Variants in AK8 observed in about 807,000 individuals in gnomAD.
AK8 encodes the protein adenylate kinase 8.
AK8 carries 44 observed loss-of-function variants against 54.6 expected under a neutral mutation model. The ratio of observed to expected loss-of-function variants is 0.81; its 90% CI spans 0.63 to 1.04. The LOEUF is 1.04. AK8 is among the 50% of genes least tolerant of loss of function. The pLI is 0.00. For missense variants in AK8, 555 were observed against 613.6 expected (o/e 0.90, Z 1.01); for synonymous variants, 239 against 245.6 (o/e 0.97, Z 0.25).
rs187389255 is a variant in AK8 at position 132,790,081 on chromosome 9, A to G, written c.1121+2553T>C. Among the ~76,000 whole-genome samples, 3 of 152,356 alleles carry G rather than the reference A, an allele frequency of 2.0e-5. No homozygotes were observed. Among genetic ancestry groups the G allele is most frequent in the Non-Finnish European group, 4.4e-5 (3 of 68,038 alleles). On this transcript the variant is annotated intron_variant, in intron 11 of 12. Transcript: ENST00000298545. The surrounding 1 kb of genome is among the most constrained non-coding windows in gnomAD (Gnocchi z 4.1). ...GCCACAAGCAGTAGAATAATATTCC[A>G]TGAACGAACAATATGCCATGACCAA...
intron 11 of AK8, among the ~76,000 whole-genome samples, chr9:132,737,885 G>A (rs953163280): frequency 1.3e-5 from 2 of 152,192 alleles, no homozygotes; most frequent in African/African-American, 2.4e-5. Context: ...AATAAGACCA[G>A]AAAAGGATAC....
intron 2 of AK8, among the ~76,000 whole-genome samples, chr9:132,867,480 T>C (rs1272037693): frequency 6.6e-6 from 1 of 152,212 alleles, no homozygotes; most frequent in Non-Finnish European, 1.5e-5. Context: ...TCTATGCAAA[T>C]GGAAAACACT....
chr9:132,863,431 C>G (rs1444112118), intron 4 of AK8, among the ~76,000 whole-genome samples: 1 of 152,252 alleles, frequency 6.6e-6, no homozygotes, highest in African/African-American at 2.4e-5. Flanking sequence ...TCACTCGACC[C>G]GTGATCCTTT....
At chr9:132,866,579 G>A (rs920973011) in intron 3 of AK8, among the ~76,000 whole-genome samples, 28 of 152,182 alleles carry the variant, frequency 1.8e-4, no homozygotes, top group Admixed American at 9.8e-4. Flanking sequence ...GACCCAGCAC[G>A]TGTACTTCTG....
At chr9:132,840,221 G>A (rs1842482173) in intron 5 of AK8, among the ~76,000 whole-genome samples, 1 of 152,112 alleles carries the variant, frequency 6.6e-6, no homozygotes, top group Admixed American at 6.6e-5. Context: ...ACCAAAGCAA[G>A]CATCAAGAAA....
rs1275960580 is a variant in AK8, at chr9:132,790,622, C to T, written c.1121+2012G>A. ...AGTAGCACCTTAATGTCAGCAGTAC[C>T]AGGACAGCCCTTATGGTCAGGAAAA... On this transcript the variant is annotated intron_variant, in intron 11 of 12. Coordinates refer to ENST00000298545, the MANE Select transcript of AK8 (RefSeq NM_152572.3). The surrounding 1 kb of genome is among the most constrained non-coding windows in gnomAD (Gnocchi z 4.1). Among the ~76,000 whole-genome samples the T allele has an allele frequency of 1.3e-5, 2 of 152,128 alleles. No homozygotes were observed. The highest frequency in any genetic ancestry group is 1.3e-4 in the Admixed American group (2 of 15,268).
In AK8 at chr9:132,738,087, T is replaced by A. The variant is rs368557000; in HGVS notation, c.1122-10553A>T. 5.9e-5 allele frequency among the ~76,000 whole-genome samples: 9 copies of A among 151,538 alleles called. No homozygotes were observed. In the South Asian group the frequency reaches 1.9e-3, roughly 32 times the overall value. ...TTTTTTTTTTGAGACAGAGTCTCAC[T>A]CTGTCGCCCAGGCTGCAGTGCAGTG... is the stretch of plus-strand genomic sequence containing the variant. On this transcript the variant is annotated intron_variant, in intron 11 of 12. Transcript: ENST00000298545.
rs139762633 is a variant in AK8 at position 132,826,932 on chromosome 9, C to T, written c.679G>A (p.Val227Ile). 5.7e-5 allele frequency: 92 copies of T among 1,614,086 alleles called. No individual in the cohort carries two copies. Among genetic ancestry groups the T allele is most frequent in the African/African-American group, 2.1e-4 (16 of 74,926 alleles). Residue 227 changes from valine to isoleucine, a missense_variant, in exon 8 of 13, where the codon GTC (valine) becomes ATC (isoleucine). Transcript: ENST00000298545. The surrounding 1 kb of genome is among the most constrained non-coding windows in gnomAD (Gnocchi z 4.5). ...TTGGGGTAGGAGGGAATGACCCTGA[C>T]GATGTTCCTATGATACTCCAGCAGT... ...QKLLEYHRNI[V>I]RVIPSYPKIL...
Position 132,791,233 on chromosome 9 carries a change from A to G in AK8, c.1121+1401T>C, listed in dbSNP as rs188726698. Among the ~76,000 whole-genome samples the G allele has an allele frequency of 6.6e-6, 1 of 152,308 alleles. No homozygotes were observed. The highest frequency in any genetic ancestry group is 6.5e-5 in the Admixed American group (1 of 15,300). ...TTACATGGCAGCAGGAGAGAGACAG[A>G]GAGAGAGCAAAGGGGGAGGTGCCAC... On this transcript the variant is annotated intron_variant, in intron 11 of 12. Coordinates refer to ENST00000298545, the MANE Select transcript of AK8 (RefSeq NM_152572.3). The surrounding 1 kb of genome is among the most constrained non-coding windows in gnomAD (Gnocchi z 4.0).
intron 11 of AK8, among the ~76,000 whole-genome samples, chr9:132,783,884 G>C (rs151270945): frequency 2.6e-4 from 40 of 152,290 alleles, no homozygotes; most frequent in Middle Eastern, 3.4e-3. Context: ...GAAGGTCAGA[G>C]TGGAGAAAAT....
At chr9:132,853,783 C>CAAAAA (rs71376669) in intron 5 of AK8, among the ~76,000 whole-genome samples, 601 of 42,488 alleles carry the variant, frequency 0.014, 49 homozygotes, top group Non-Finnish European at 0.02. Context: ...GACTCTGCCT[C>CAAAAA]AAAAAAAAAA....
intron 11 of AK8, among the ~76,000 whole-genome samples, chr9:132,762,503 C>T (rs773304336): frequency 2.6e-5 from 4 of 152,148 alleles, no homozygotes; most frequent in Non-Finnish European, 4.4e-5. Flanking sequence ...GCTCTCCCTT[C>T]CACAAAGACG....
chr9:132,736,844 G>A lies in AK8; in HGVS notation c.1122-9310C>T, dbSNP rs182126723. ...ACATGCTAAAACCTGGATGAACCTTGAAGACATTATGCTAAGTAAAATAAG... is the reference window on the plus strand; with the variant it reads ...ACATGCTAAAACCTGGATGAACCTTAAAGACATTATGCTAAGTAAAATAAG... On this transcript the variant is annotated intron_variant, in intron 11 of 12. Transcript: ENST00000298545. Among the ~76,000 whole-genome samples, 207 of 149,554 alleles carry A rather than the reference G, an allele frequency of 1.4e-3. 2 individuals are homozygous for A. Among genetic ancestry groups the A allele is most frequent in the African/African-American group, 4.7e-3 (193 of 40,864 alleles).
intron 11 of AK8, among the ~76,000 whole-genome samples, chr9:132,744,061 G>A (rs552852539): frequency 2.0e-5 from 3 of 152,240 alleles, no homozygotes; most frequent in South Asian, 2.1e-4. Context: ...CTGCTTATGT[G>A]CCCCCACTCT....
chr9:132,765,427 G>A (rs1320006105), intron 11 of AK8, among the ~76,000 whole-genome samples: 10 of 151,072 alleles, frequency 6.6e-5, no homozygotes, highest in Admixed American at 5.3e-4. Context: ...GAAACCACAC[G>A]ATCATCTTAA....
At position 132,814,699 on chromosome 9, in the gene AK8, A is replaced by G; in HGVS notation, c.918T>C (p.Ala306=). 6.2e-7 allele frequency: 1 copy of G among 1,614,132 alleles called. No homozygotes were observed. The highest frequency in any genetic ancestry group is 8.5e-7 in the Non-Finnish European group (1 of 1,180,022). ...CGCCAAACGTGGTCCTATCTGCCAC[A>G]GCCTCTTTCAGCAGTTGCCCACAGC... ...NVCCGQLLKE[A]VADRTTFGEL... Residue 306 remains alanine, a synonymous_variant, in exon 10 of 13, where the codon GCT becomes GCC. Transcript: ENST00000298545.
chr9:132,797,137 C>T (rs551224856), intron 10 of AK8, among the ~76,000 whole-genome samples: 8 of 152,282 alleles, frequency 5.3e-5, no homozygotes, highest in Middle Eastern at 3.4e-3. Context: ...TCATCACAAG[C>T]GCACATCAGT....
chr9:132,761,098 T>C (rs1838437784), intron 11 of AK8, among the ~76,000 whole-genome samples: 3 of 152,064 alleles, frequency 2.0e-5, no homozygotes. Flanking sequence ...CTGAAAAGAG[T>C]TTGTTCACAA....
chr9:132,865,401 A>C, intron 3 of AK8, among the ~76,000 whole-genome samples: 1 of 152,208 alleles, frequency 6.6e-6, no homozygotes, highest in Admixed American at 6.5e-5. Flanking sequence ...CCCGTCCATG[A>C]TACATGCTCA....
Sources: gnomAD v4.1 joint callset for allele counts (sites outside exome capture counted in the v4.1 genomes callset) on GRCh38, gnomAD v4.1.1 for gene constraint, Gnocchi (gnomAD v3.1) non-coding constraint, MANE v1.5 for transcripts, NCBI Gene and HGNC (gene_info 2026-07-23, HGNC 2026-07-21) for gene names.